The following SMIM14 variants were observed in gnomAD, a reference collection of about 807,000 sequenced individuals.
The protein encoded by SMIM14 is chromosome 4 open reading frame 34.
A neutral mutation model predicts 12.6 loss-of-function variants in SMIM14; 5 were observed. The observed-to-expected ratio is 0.40, with a 90% CI of 0.21 to 0.83. SMIM14 has a LOEUF of 0.83. SMIM14 is among the 40% of genes least tolerant of loss of function. The pLI is 0.37. For missense variants in SMIM14, 86 were observed against 119.1 expected, an observed-to-expected ratio of 0.72 and a Z score of 1.29; for synonymous variants, 30 against 40.1, an observed-to-expected ratio of 0.75 and a Z score of 0.95.
At chr4:39,560,956 T>C (rs1357880454) in intron 3 of SMIM14, among the ~76,000 whole-genome samples, 2 of 152,170 alleles carry the variant, frequency 1.3e-5, no homozygotes, top group African/African-American at 2.4e-5. Flanking sequence ...ATCTGGTCTA[T>C]TGCAGTGGCC....
chr4:39,561,082 A>C (rs1429670533), intron 3 of SMIM14, among the ~76,000 whole-genome samples: 1 of 151,866 alleles, frequency 6.6e-6, no homozygotes, highest in East Asian at 1.9e-4. Context: ...CCCTGTGTGA[A>C]ATGCTTGGGA....
At chr4:39,576,660 G>GTGTGTATATATATA (rs1339477098) in intron 2 of SMIM14, among the ~76,000 whole-genome samples, 13 of 72,378 alleles carry the variant, frequency 1.8e-4, no homozygotes, top group Admixed American at 1.8e-3. Flanking sequence ...GTGTGTATGT[G>GTGTGTATATATATA]TATATATATA....
At chr4:39,559,199 T>G (rs1046045103) in intron 3 of SMIM14, among the ~76,000 whole-genome samples, 102 of 151,988 alleles carry the variant, frequency 6.7e-4, no homozygotes, top group African/African-American at 2.4e-3. Flanking sequence ...GAAACCAATA[T>G]ATGAAGGTGC....
At chr4:39,605,895 G>A (rs369672387) in intron 1 of SMIM14, among the ~76,000 whole-genome samples, 3 of 152,046 alleles carry the variant, frequency 2.0e-5, no homozygotes, top group African/African-American at 4.8e-5. Context: ...CATGCACCAC[G>A]CCCGGCTACT....
chr4:39,600,544 G>T (rs1714565511), intron 2 of SMIM14, among the ~76,000 whole-genome samples: 1 of 152,096 alleles, frequency 6.6e-6, no homozygotes, highest in African/African-American at 2.4e-5. Context: ...ACAAAAATTA[G>T]CCGAGCGTGG....
chr4:39,567,992 T>C (rs1296388704), intron 3 of SMIM14, among the ~76,000 whole-genome samples: 1 of 151,758 alleles, frequency 6.6e-6, no homozygotes, highest in Non-Finnish European at 1.5e-5. Context: ...AATAAGAACA[T>C]ACAGGCCGGG....
At chr4:39,604,973 C>G (rs1714750021) in intron 2 of SMIM14, 98 bp downstream of exon 2, 12 of 751,128 alleles carry the variant, frequency 1.6e-5, no homozygotes, top group Non-Finnish European at 2.7e-5. Flanking sequence ...TCTTTAGTGA[C>G]CATCAGATGA....
intron 2 of SMIM14, among the ~76,000 whole-genome samples, chr4:39,575,295 C>A (rs938242491): frequency 6.6e-6 from 1 of 151,394 alleles, no homozygotes; most frequent in Non-Finnish European, 1.5e-5. Context: ...TGCCAGCCTA[C>A]GCCTCCCAAA....
chr4:39,570,857 A>ATATATTATATATATATAT (rs755586814), intron 3 of SMIM14, among the ~76,000 whole-genome samples: 3 of 152,124 alleles, frequency 2.0e-5, no homozygotes, highest in Non-Finnish European at 4.4e-5. Context: ...TTGATATTTT[A>ATATATTATATATATATAT]TAAGTAGTGA....
At chr4:39,619,766 C>A (rs28840995) in intron 1 of SMIM14, among the ~76,000 whole-genome samples, 1,399 of 125,892 alleles carry the variant, frequency 0.011, 58 homozygotes, top group African/African-American at 0.041. Flanking sequence ...ATATATATAT[C>A]AATAAATAAT....
At position 39,548,156 on chromosome 4, in the gene SMIM14, C is replaced by G. The variant is rs547588432; in HGVS notation, c.*3970G>C. On this transcript the variant is annotated 3_prime_UTR_variant, in exon 5 of 5. Coordinates refer to ENST00000295958, the MANE Select transcript of SMIM14 (RefSeq NM_174921.3). ...CTGACCTCAGGTGATCCAGCTCCCT[C>G]GGTCTCCCAAAGTGTTGGGATTACA... The G allele has an allele frequency of 6.6e-6, 1 of 152,098 alleles. No individual in the cohort carries two copies. Among genetic ancestry groups the G allele is most frequent in the Admixed American group, 6.5e-5 (1 of 15,268 alleles). 9.4% of individuals were successfully genotyped at this position (152,098 alleles called of 1,614,324 possible). A position where few individuals can be genotyped will look rare whatever the true frequency, so the allele number is the denominator to read the frequency against.
In SMIM14 at chr4:39,594,881, G is replaced by A. The variant is rs1166225895; in HGVS notation, c.75+10190C>T. Among the ~76,000 whole-genome samples, 15 of 151,416 alleles carry A rather than the reference G, an allele frequency of 9.9e-5. No homozygotes were observed. In the South Asian group the frequency reaches 1.0e-3, roughly 11 times the overall value. On this transcript the variant is annotated intron_variant, in intron 2 of 4. Transcript: ENST00000295958. The stretch of plus-strand genomic sequence containing the variant: ...ACCATCTCACACCAGTTAGAATGGC[G>A]ATCATTAAAAAGTCAGGAAACAACA...
intron 2 of SMIM14, chr4:39,594,419 C>T (rs1362110043): frequency 1.3e-5 from 2 of 152,004 alleles, no homozygotes; most frequent in Non-Finnish European, 1.5e-5. Flanking sequence ...GGATTAAAGA[C>T]TTAAACGTTA....
intron 3 of SMIM14, 53 bp downstream of exon 3, chr4:39,572,362 G>T: frequency 1.9e-6 from 2 of 1,068,476 alleles, no homozygotes; most frequent in Non-Finnish European, 2.6e-6. Context: ...CAGGCATCTG[G>T]CCTCTAATTC....
At chr4:39,632,455 A>G (rs971127395) in intron 1 of SMIM14, among the ~76,000 whole-genome samples, 2 of 136,378 alleles carry the variant, frequency 1.5e-5, no homozygotes, top group Non-Finnish European at 3.0e-5. Context: ...ACTCCAGCCT[A>G]CTGACAGAGC....
chr4:39,629,354 C>CT, intron 1 of SMIM14, among the ~76,000 whole-genome samples: 1 of 91,000 alleles, frequency 1.1e-5, no homozygotes, highest in Non-Finnish European at 2.1e-5. Flanking sequence ...AAGCAAGACT[C>CT]TGTCTCAAAA....
chr4:39,636,173 CAAAAAAAAAA>C (rs749292775), intron 1 of SMIM14, among the ~76,000 whole-genome samples: 2 of 76,344 alleles, frequency 2.6e-5, no homozygotes, highest in Non-Finnish European at 4.7e-5. Context: ...CTCCATCTCC[CAAAAAAAAAA>C]AAAAAAAAAA....
intron 1 of SMIM14, among the ~76,000 whole-genome samples, chr4:39,635,884 T>G (rs1401476069): frequency 2.0e-5 from 3 of 151,918 alleles, no homozygotes; most frequent in Non-Finnish European, 4.4e-5. Flanking sequence ...ATATTAAGTG[T>G]GATGTGGGCC....
At chr4:39,625,900 C>T (rs967102812) in intron 1 of SMIM14, among the ~76,000 whole-genome samples, 2 of 152,208 alleles carry the variant, frequency 1.3e-5, no homozygotes, top group African/African-American at 4.8e-5. Flanking sequence ...TCAGCATGGC[C>T]AGAGGCCACT....
Sources: allele counts gnomAD v4.1 joint callset (sites outside exome capture counted in the v4.1 genomes callset), GRCh38; gene constraint gnomAD v4.1.1; transcripts MANE v1.5; gene names NCBI Gene and HGNC (gene_info 2026-07-23, HGNC 2026-07-21).